The following ARHGEF12 variants were observed in gnomAD, a reference collection of about 807,000 sequenced individuals.
ARHGEF12 encodes the protein Rho guanine nucleotide exchange factor 12, also known as KMT2A/ARHGEF12 fusion protein.
In ARHGEF12, 66 loss-of-function variants were observed where a neutral mutation model predicts 211.2. The ratio of observed to expected loss-of-function variants is 0.31; its 90% CI spans 0.26 to 0.38. The LOEUF (loss-of-function observed/expected upper bound fraction) is 0.38, where lower values mean the gene tolerates loss of function less well. ARHGEF12 is among the 10% of genes least tolerant of loss of function. The probability of loss-of-function intolerance (pLI) is 1.00; values close to 1 mark genes in which losing one functional copy is unlikely to be tolerated. For synonymous variants in ARHGEF12, 592 were observed against 638.4 expected, an observed-to-expected ratio of 0.93 and a Z score of 1.09; for missense variants, 1,429 against 1,869.5, an observed-to-expected ratio of 0.76 and a Z score of 4.34.
At position 120,424,510 on chromosome 11, in the gene ARHGEF12, AG is replaced by A. The variant is rs1945284947; in HGVS notation, c.406+97del. 1.9e-5 allele frequency: 19 copies of A among 1,005,344 alleles called. No homozygotes were observed. In the South Asian group the frequency reaches 2.6e-4, roughly 14 times the overall value. The allele number at this position is 1,005,344 out of a possible 1,614,324, so 62.3% of individuals were successfully genotyped here. A position where few individuals can be genotyped will look rare whatever the true frequency, so the allele number is the denominator to read the frequency against. ...GTAATAGGCCAAATAGTAAATATTT[AG>A]GCTATGTGGACTATATAGTCTACTG... On this transcript the variant is annotated intron_variant, in intron 7 of 40. Transcript: ENST00000397843.
intron 26 of ARHGEF12, 22 bp downstream of exon 26, chr11:120,459,342 C>T: frequency 6.2e-7 from 1 of 1,603,644 alleles, no homozygotes; most frequent in Non-Finnish European, 8.5e-7. Context: ...TAGCTCTGAT[C>T]TTTGCCCCTA....
intron 22 of ARHGEF12, among the ~76,000 whole-genome samples, chr11:120,452,090 G>C (rs1373243195): frequency 6.6e-6 from 1 of 152,152 alleles, no homozygotes; most frequent in Non-Finnish European, 1.5e-5. Flanking sequence ...TGAGGGAACT[G>C]GTCAGTAGTT....
rs1947192859 is a variant in ARHGEF12, at chr11:120,480,265, C to T, written c.4072C>T (p.His1358Tyr). The T allele has an allele frequency of 3.7e-6, 6 of 1,614,080 alleles. No homozygotes were observed. Among genetic ancestry groups the T allele is most frequent in the Non-Finnish European group, 4.2e-6 (5 of 1,180,018 alleles). ...GGCAAGTAACATTTTAGTAATGGAC[C>T]ACATGATTATGACCCCAGAGATGCC... is the stretch of plus-strand genomic sequence containing the variant. Reference protein sequence around the residue: ...SQASNILVMDHMIMTPEMPTM... With the variant: ...SQASNILVMDYMIMTPEMPTM... Residue 1358 changes from histidine (H) to tyrosine (Y), a missense_variant, in exon 38 of 41, where the codon CAC becomes TAC. By Grantham distance (83) the His-to-Tyr change is moderately conservative. This residue lies in a region of ARHGEF12 where 467 missense variants were observed against 468.4 expected (regional missense o/e 1.00). Transcript: ENST00000397843.
At chr11:120,473,435 C>T (rs1368009875) in intron 31 of ARHGEF12, among the ~76,000 whole-genome samples, 1 of 152,154 alleles carries the variant, frequency 6.6e-6, no homozygotes, top group African/African-American at 2.4e-5. Context: ...CAGGGTCTTG[C>T]TCTGTTGCCC....
At chr11:120,413,208 T>C (rs149815812) in intron 4 of ARHGEF12, among the ~76,000 whole-genome samples, 7 of 152,330 alleles carry the variant, frequency 4.6e-5, no homozygotes, top group East Asian at 3.9e-4. Context: ...ATTCTTCCTT[T>C]GCACATGCCA....
chr11:120,391,078 A>G (rs1944202311), intron 1 of ARHGEF12, among the ~76,000 whole-genome samples: 2 of 152,260 alleles, frequency 1.3e-5, no homozygotes, highest in South Asian at 4.1e-4. Flanking sequence ...ACCTAGCACA[A>G]TTTCTGACTA....
rs1033437716 is a variant in ARHGEF12 at position 120,424,302 on chromosome 11, T to A, written c.349-56T>A. 3.2e-6 allele frequency: 4 copies of A among 1,234,108 alleles called. No individual in the cohort carries two copies. The African/African-American group carries it at 5.9e-5, about 18-fold the overall frequency. The allele number at this position is 1,234,108 out of a possible 1,614,324, so 76.4% of individuals were successfully genotyped here. ...ATGTATGATAATTCTTGAAGTCATT[T>A]TATCCATTGTCTCAATAGAATGTAT... On this transcript the variant is annotated intron_variant, in intron 6 of 40. Transcript: ENST00000397843.
chr11:120,440,546 T>C (rs1945838411), intron 13 of ARHGEF12, among the ~76,000 whole-genome samples: 1 of 152,214 alleles, frequency 6.6e-6, no homozygotes, highest in Non-Finnish European at 1.5e-5. Context: ...TTAGCTAGAT[T>C]CTTGTCCTTG....
intron 1 of ARHGEF12, among the ~76,000 whole-genome samples, chr11:120,365,469 C>G (rs1943397537): frequency 6.6e-6 from 1 of 152,064 alleles, no homozygotes; most frequent in African/African-American, 2.4e-5. Flanking sequence ...CAGGATGACT[C>G]CCAAGTTTCT....
At chr11:120,364,521 C>T (rs1230046735) in intron 1 of ARHGEF12, among the ~76,000 whole-genome samples, 1 of 152,064 alleles carries the variant, frequency 6.6e-6, no homozygotes, top group Non-Finnish European at 1.5e-5. Context: ...AAGAGATCAC[C>T]CACACCATTA....
At chr11:120,476,634 A>G in intron 33 of ARHGEF12, 27 bp from the exon 34 acceptor site, 2 of 1,586,334 alleles carry the variant, frequency 1.3e-6, no homozygotes, top group Non-Finnish European at 1.7e-6. Flanking sequence ...TCATAGTATT[A>G]GAGTAATCTT....
chr11:120,428,342 ATTAAAT>A, intron 8 of ARHGEF12, 95 bp downstream of exon 8: 1 of 1,060,946 alleles, frequency 9.4e-7, no homozygotes, highest in Non-Finnish European at 1.3e-6. Flanking sequence ...TGATGAACTA[ATTAAAT>A]TTAAGATTTT....
intron 20 of ARHGEF12, 99 bp downstream of exon 20, chr11:120,448,447 A>G: frequency 1.2e-6 from 1 of 817,774 alleles, no homozygotes; most frequent in East Asian, 2.7e-5. Flanking sequence ...TAATCAGCAA[A>G]TTAATGCTAG....
chr11:120,396,192 A>G (rs1388944974), intron 1 of ARHGEF12, among the ~76,000 whole-genome samples: 1 of 152,174 alleles, frequency 6.6e-6, no homozygotes, highest in Non-Finnish European at 1.5e-5. Context: ...TTGGATTAGA[A>G]CTCAAAGTCT....
At chr11:120,352,187 G>A (rs1378950442) in intron 1 of ARHGEF12, among the ~76,000 whole-genome samples, 1 of 151,966 alleles carries the variant, frequency 6.6e-6, no homozygotes, top group African/African-American at 2.4e-5. Context: ...GAGGGATTTT[G>A]TCTCATTTGC....
Position 120,480,134 on chromosome 11 carries a change from C to T in ARHGEF12, c.3941C>T (p.Pro1314Leu). The T allele has an allele frequency of 6.2e-7, 1 of 1,614,130 alleles. No individual in the cohort carries two copies. The highest frequency in any genetic ancestry group is 8.5e-7 in the Non-Finnish European group (1 of 1,180,024). The change falls in exon 38 of 41, where the codon CCC becomes CTC. Residue 1314 changes from proline to leucine, a missense_variant. Physicochemically the swap from Pro to Leu is moderately conservative, Grantham distance 98. Around this residue, in one of 7 missense-constraint regions of ARHGEF12, gnomAD observed 467 missense variants for 468.4 expected, o/e 1.00. Transcript: ENST00000397843. ...TATCATTCTGGTGAAGGACATATGC[C>T]CTTTAGAACTGGAACTGGTGACATT... ...KAYHSGEGHM[P>L]FRTGTGDIAT... is the part of the protein sequence containing the mutation.
At position 120,394,251 on chromosome 11, in the gene ARHGEF12, ACT is replaced by A. The variant is rs1944307858; in HGVS notation, c.33-11864_33-11863del. On this transcript the variant is annotated intron_variant, in intron 1 of 40. Coordinates refer to ENST00000397843, the MANE Select transcript of ARHGEF12 (RefSeq NM_015313.3). ...TTTTTTTTTTTTAAGACAGGGTCTT[ACT>A]CTGTTGCCCAGGCTCAAGGGCAGTG... Among the ~76,000 whole-genome samples the A allele has an allele frequency of 2.0e-5, 3 of 151,622 alleles. No individual in the cohort carries two copies. In the South Asian group the frequency reaches 6.3e-4, roughly 32 times the overall value.
chr11:120,481,173 T>C, intron 38 of ARHGEF12, 87 bp from the exon 39 acceptor site: 1 of 1,254,784 alleles, frequency 8.0e-7, no homozygotes. Context: ...TAATAACTTT[T>C]CAAGTTGAAG....
chr11:120,467,390 G>T (rs140920100), intron 29 of ARHGEF12, 82 bp downstream of exon 29: 2 of 731,718 alleles, frequency 2.7e-6, no homozygotes, highest in South Asian at 2.2e-5. Context: ...ATCTTACAGC[G>T]TCCTGAATGG....
Sources: gnomAD v4.1 joint callset for allele counts (sites outside exome capture counted in the v4.1 genomes callset) on GRCh38, gnomAD v4.1.1 for gene constraint, gnomAD v4.1.1 regional missense constraint, MANE v1.5 for transcripts, NCBI Gene and HGNC (gene_info 2026-07-23, HGNC 2026-07-21) for gene names.